The following MEF2C variants were observed in gnomAD, a reference collection of about 807,000 sequenced individuals.
MEF2C encodes the protein myocyte enhancer factor 2C, also known as myocyte-specific enhancer factor 2C.
A neutral mutation model predicts 50.5 loss-of-function variants in MEF2C; 6 were observed. The observed-to-expected ratio is 0.12, with a 90% CI of 0.07 to 0.23. The LOEUF (loss-of-function observed/expected upper bound fraction) is 0.23, where lower values mean the gene tolerates loss of function less well. Among genes scored for constraint, MEF2C ranks in the 10% least tolerant of loss-of-function variants. The probability of loss-of-function intolerance (pLI) is 1.00; values close to 1 mark genes in which losing one functional copy is unlikely to be tolerated. For missense variants in MEF2C, 276 were observed against 605.0 expected (o/e 0.46, Z 5.70); for synonymous variants, 183 against 228.0 (o/e 0.80, Z 1.78).
intron 2 of MEF2C, among the ~76,000 whole-genome samples, chr5:88,814,378 G>A (rs768346686): frequency 4.0e-5 from 6 of 151,852 alleles, no homozygotes; most frequent in Non-Finnish European, 8.8e-5. Context: ...CATCGTAAAT[G>A]AAAGGCTCTT....
chr5:88,740,333 T>C, intron 6 of MEF2C: 1 of 985,160 alleles, frequency 1.0e-6, no homozygotes, highest in Non-Finnish European at 1.2e-6. Flanking sequence ...GTGTAAGCTC[T>C]GGATTGTGAG....
At chr5:88,790,607 C>T (rs137998411) in intron 3 of MEF2C, among the ~76,000 whole-genome samples, 2 of 152,304 alleles carry the variant, frequency 1.3e-5, no homozygotes, top group African/African-American at 2.4e-5. Context: ...ACTTGGTTTC[C>T]TGTGCCTTGT....
chr5:88,842,764 TC>T (rs1349186323), intron 1 of MEF2C, among the ~76,000 whole-genome samples: 2 of 152,200 alleles, frequency 1.3e-5, no homozygotes, highest in Non-Finnish European at 2.9e-5. Flanking sequence ...TATGTCAACT[TC>T]CTAGATACAT....
At chr5:88,733,769 A>T in intron 6 of MEF2C, 1 of 985,400 alleles carries the variant, frequency 1.0e-6, no homozygotes, top group Non-Finnish European at 1.2e-6. Flanking sequence ...AAATTATCCC[A>T]GTTCCTGGGG....
chr5:88,757,368 C>T (rs1383136027), intron 4 of MEF2C, among the ~76,000 whole-genome samples: 1 of 151,884 alleles, frequency 6.6e-6, no homozygotes, highest in Admixed American at 6.6e-5. Context: ...CCACTAATGA[C>T]ACCTTTAAAT....
chr5:88,818,421 C>T (rs1396116483), intron 2 of MEF2C, among the ~76,000 whole-genome samples: 1 of 151,664 alleles, frequency 6.6e-6, no homozygotes, highest in Non-Finnish European at 1.5e-5. Flanking sequence ...GAGGGTAAGA[C>T]TGCCTAACTG....
At chr5:88,770,415 C>T (rs376302278) in intron 3 of MEF2C, among the ~76,000 whole-genome samples, 1 of 152,240 alleles carries the variant, frequency 6.6e-6, no homozygotes, top group East Asian at 1.9e-4. Context: ...TGAGTCTATG[C>T]GTGATTAGTC....
upstream of MEF2C, chr5:88,883,564 G>T (rs550668992): frequency 2.0e-5 from 3 of 152,046 alleles, no homozygotes; most frequent in Admixed American, 6.5e-5. Context: ...AGGGAAGACG[G>T]AGCACGAATG....
chr5:88,749,129 A>G lies in MEF2C; in HGVS notation c.590-12T>C. ...ACCCATCAGACCACCTATGGATTAA[A>G]GAGGAAGATCAAAACGAGAAAGGCT... On this transcript the variant is annotated splice_polypyrimidine_tract_variant and intron_variant, in intron 5 of 10. Transcript: ENST00000504921. 1 of 1,560,608 alleles carries G rather than the reference A, an allele frequency of 6.4e-7. No homozygotes were observed. Among genetic ancestry groups the G allele is most frequent in the Non-Finnish European group, 8.7e-7 (1 of 1,153,336 alleles).
chr5:88,886,233 A>C (rs1012436137), upstream of MEF2C, among the ~76,000 whole-genome samples: 1 of 152,238 alleles, frequency 6.6e-6, no homozygotes, highest in Admixed American at 6.5e-5. Context: ...GAGATTTAAA[A>C]TTATTCATGA....
At chr5:88,767,336 T>G (rs1780472861) in intron 3 of MEF2C, among the ~76,000 whole-genome samples, 1 of 152,218 alleles carries the variant, frequency 6.6e-6, no homozygotes. Context: ...CAGGTTTTAA[T>G]AAAACTGTAA....
At chr5:88,752,909 A>G (rs1366517999) in intron 4 of MEF2C, 1 of 262,480 alleles carries the variant, frequency 3.8e-6, no homozygotes, top group African/African-American at 2.3e-5. Context: ...GAGTAAAAAT[A>G]CTCTTTGAAT....
rs70996493 is a variant in MEF2C at position 88,779,760 on chromosome 5, G to GTTTT, written c.259-18436_259-18433dup. ...GAAATTTAGGCCTCAGCAAAGTGAGGTTTTTTTTTTTTTTATGTTACAATG... is the reference window on the plus strand; with the variant it reads ...GAAATTTAGGCCTCAGCAAAGTGAGGTTTTTTTTTTTTTTTTTTATGTTACAATG... On this transcript the variant is annotated intron_variant, in intron 3 of 10. Transcript: ENST00000504921. 4.6e-4 allele frequency among the ~76,000 whole-genome samples: 68 copies of GTTTT among 147,192 alleles called. 1 individual carries two copies. Among genetic ancestry groups the GTTTT allele is most frequent in the Middle Eastern group, 3.5e-3 (1 of 282 alleles).
chr5:88,726,009 T>C (rs1417561695), intron 10 of MEF2C, among the ~76,000 whole-genome samples: 1 of 152,172 alleles, frequency 6.6e-6, no homozygotes, highest in Non-Finnish European at 1.5e-5. Flanking sequence ...TCTCTCCCTA[T>C]AGCAAATAAA....
At chr5:88,767,451 G>A (rs1780536574) in intron 3 of MEF2C, among the ~76,000 whole-genome samples, 1 of 152,002 alleles carries the variant, frequency 6.6e-6, no homozygotes, top group Non-Finnish European at 1.5e-5. Flanking sequence ...TAATCAGCAG[G>A]TAGACTTTAA....
chr5:88,766,549 C>T (rs1486398867), intron 3 of MEF2C: 1 of 766,214 alleles, frequency 1.3e-6, no homozygotes. Flanking sequence ...GAACCACCAT[C>T]ACAGACTAAA....
At chr5:88,812,567 A>G (rs991644804) in intron 2 of MEF2C, among the ~76,000 whole-genome samples, 4 of 152,034 alleles carry the variant, frequency 2.6e-5, no homozygotes, top group African/African-American at 9.7e-5. Context: ...CAGATTTCTT[A>G]TATTATTTTT....
At chr5:88,727,285 A>C (rs375362975) in intron 10 of MEF2C, among the ~76,000 whole-genome samples, 1 of 152,308 alleles carries the variant, frequency 6.6e-6, no homozygotes, top group African/African-American at 2.4e-5. Context: ...GCTGACCAAC[A>C]GTATCACGTG....
At chr5:88,855,369 G>T (rs1034511565) in intron 1 of MEF2C, among the ~76,000 whole-genome samples, 1 of 152,056 alleles carries the variant, frequency 6.6e-6, no homozygotes, top group Non-Finnish European at 1.5e-5. Flanking sequence ...GTAATAAGAT[G>T]ATATACTTCT....
Sources: gnomAD v4.1 joint callset for allele counts (sites outside exome capture counted in the v4.1 genomes callset) on GRCh38, gnomAD v4.1.1 for gene constraint, MANE v1.5 for transcripts, NCBI Gene and HGNC (gene_info 2026-07-23, HGNC 2026-07-21) for gene names.